The following VWA8 variants were observed in gnomAD, a reference collection of about 807,000 sequenced individuals.
The protein encoded by VWA8 is von Willebrand factor A domain-containing protein 8.
A neutral mutation model predicts 241.5 loss-of-function variants in VWA8; 221 were observed. The observed-to-expected ratio is 0.91, with a 90% CI of 0.82 to 1.02. The LOEUF (loss-of-function observed/expected upper bound fraction) is 1.02. Ranked by LOEUF, VWA8 falls within the 50% of genes least tolerant of loss-of-function variation. VWA8 has a pLI of 0.00. For missense variants in VWA8, 2,322 were observed against 2,328.7 expected (o/e 1.00, Z 0.06); for synonymous variants, 852 against 827.1 (o/e 1.03, Z -0.52).
At chr13:41,819,632 T>C (rs1870862285) in intron 14 of VWA8, among the ~76,000 whole-genome samples, 1 of 152,208 alleles carries the variant, frequency 6.6e-6, no homozygotes, top group Admixed American at 6.5e-5. Context: ...ACTCCAGCCC[T>C]GACACGAACC....
At chr13:41,631,032 T>C (rs1166560325) in intron 37 of VWA8, among the ~76,000 whole-genome samples, 1 of 152,132 alleles carries the variant, frequency 6.6e-6, no homozygotes, top group Non-Finnish European at 1.5e-5. Context: ...TTCTTCTTTA[T>C]TTTTTGAGAC....
chr13:41,706,163 C>T (rs2045281338), intron 26 of VWA8, among the ~76,000 whole-genome samples: 1 of 152,182 alleles, frequency 6.6e-6, no homozygotes, highest in African/African-American at 2.4e-5. Flanking sequence ...CTTTGCTCAA[C>T]TTTCAGATTT....
chr13:41,721,377 T>C lies in VWA8; in HGVS notation c.2957A>G (p.His986Arg), dbSNP rs137987043. Residue 986 changes from histidine to arginine, a missense_variant, in exon 25 of 45, where the codon CAT becomes CGT. His to Arg is a conservative substitution (Grantham distance 29). Coordinates refer to ENST00000379310, the MANE Select transcript of VWA8 (RefSeq NM_015058.2). ...GGTGTGTGCCATACCTACCTGTAAA[T>C]GTTTGACTATGTTGACAACTTCTCT... ...STREVVNIVKHLQKFPTEGLS... is the reference protein window; with the variant it reads ...STREVVNIVKRLQKFPTEGLS... 1.9e-6 allele frequency: 3 copies of C among 1,613,530 alleles called. No individual in the cohort carries two copies. Among genetic ancestry groups the C allele is most frequent in the African/African-American group, 2.7e-5 (2 of 74,834 alleles).
intron 37 of VWA8, among the ~76,000 whole-genome samples, chr13:41,666,337 A>T (rs1296335432): frequency 6.6e-6 from 1 of 152,124 alleles, no homozygotes; most frequent in African/African-American, 2.4e-5. Flanking sequence ...CTAACATGAT[A>T]CTATCTTATC....
Position 41,697,685 on chromosome 13 carries a change from A to G in VWA8, c.3564+1386T>C, listed in dbSNP as rs140048234. 3.3e-4 allele frequency among the ~76,000 whole-genome samples: 51 copies of G among 152,314 alleles called. 1 individual carries two copies. In the East Asian group the frequency reaches 8.9e-3, roughly 26 times the overall value. The stretch of plus-strand genomic sequence containing the variant: ...AATGTAATGCTGTGGCTGATCTGAC[A>G]GGAGGTGGAGCTCAGGCAGCAATGC... On this transcript the variant is annotated intron_variant, in intron 29 of 44. Coordinates refer to ENST00000379310, the MANE Select transcript of VWA8 (RefSeq NM_015058.2).
intron 43 of VWA8, among the ~76,000 whole-genome samples, chr13:41,572,615 C>T (rs1359583916): frequency 6.6e-6 from 1 of 151,748 alleles, no homozygotes; most frequent in African/African-American, 2.4e-5. Flanking sequence ...TAAGAGTCAT[C>T]ACCACTCCCT....
intron 39 of VWA8, among the ~76,000 whole-genome samples, chr13:41,609,922 A>T (rs887101805): frequency 6.6e-6 from 1 of 152,140 alleles, no homozygotes; most frequent in African/African-American, 2.4e-5. Context: ...AAGGGCACAG[A>T]TGCCCCTTAC....
intron 43 of VWA8, among the ~76,000 whole-genome samples, chr13:41,573,480 A>ATATATATATATATATAT (rs1236419922): frequency 1.8e-5 from 2 of 112,468 alleles, no homozygotes; most frequent in Admixed American, 9.2e-5. Flanking sequence ...AGTTTAAAAA[A>ATATATATATATATATAT]AAAAAAATAT....
chr13:41,697,742 G>A (rs923971708), intron 29 of VWA8, among the ~76,000 whole-genome samples: 1 of 152,092 alleles, frequency 6.6e-6, no homozygotes, highest in Admixed American at 6.6e-5. Flanking sequence ...CCTGCCGTGC[G>A]GCCCAGTTCC....
In VWA8 at chr13:41,961,070, C is replaced by T; in HGVS notation, c.-55G>A. On this transcript the variant is annotated 5_prime_UTR_variant, in exon 1 of 45. Coordinates refer to ENST00000379310, the MANE Select transcript of VWA8 (RefSeq NM_015058.2). ...GGGGGCTCGGGGATCGAGCGGCGTC[C>T]CGTGCAGGCACCGTGAGGCAGCGCG... is the stretch of plus-strand genomic sequence containing the variant. 1 of 1,343,574 alleles carries T rather than the reference C, an allele frequency of 7.4e-7. No individual in the cohort carries two copies. The allele number at this position is 1,343,574 out of a possible 1,614,324, so 83.2% of individuals were successfully genotyped here.
Position 41,708,316 on chromosome 13 carries a change from G to A in VWA8, c.3117-4905C>T, listed in dbSNP as rs1038681165. Among the ~76,000 whole-genome samples the A allele has an allele frequency of 1.2e-4, 18 of 151,976 alleles. No individual in the cohort carries two copies. The East Asian group carries it at 2.3e-3, about 20-fold the overall frequency. ...GCAGAGGTTGCAGTGAGCCAAGATC[G>A]CGCCACTGCACTCCAGCCTGGGAAA... On this transcript the variant is annotated intron_variant, in intron 26 of 44. Transcript: ENST00000379310.
intron 31 of VWA8, 91 bp from the exon 32 acceptor site, chr13:41,691,536 C>A: frequency 1.3e-5 from 19 of 1,415,116 alleles, no homozygotes; most frequent in South Asian, 7.6e-5. Flanking sequence ...ATTATGCAAC[C>A]CATAAAAAGA....
At chr13:41,742,648 T>C (rs1312224401) in intron 21 of VWA8, among the ~76,000 whole-genome samples, 2 of 152,204 alleles carry the variant, frequency 1.3e-5, no homozygotes, top group South Asian at 4.1e-4. Context: ...GAAGGATATT[T>C]TGGGAAGAGC....
intron 40 of VWA8, among the ~76,000 whole-genome samples, chr13:41,599,489 C>T (rs536859677): frequency 6.6e-6 from 1 of 152,134 alleles, no homozygotes; most frequent in Non-Finnish European, 1.5e-5. Context: ...CTTGTTATTC[C>T]ACCTCAGTAC....
intron 1 of VWA8, among the ~76,000 whole-genome samples, chr13:41,952,144 T>C (rs1170944021): frequency 6.6e-6 from 1 of 152,194 alleles, no homozygotes; most frequent in Admixed American, 6.5e-5. Context: ...TTGTAAGTCA[T>C]ATAAATCTTC....
chr13:41,627,352 G>A (rs1463635447), intron 37 of VWA8, among the ~76,000 whole-genome samples: 1 of 152,016 alleles, frequency 6.6e-6, no homozygotes, highest in African/African-American at 2.4e-5. Flanking sequence ...TGCTTTGTTT[G>A]TGTGTTTTGT....
chr13:41,774,066 A>C (rs1269052589), intron 20 of VWA8, among the ~76,000 whole-genome samples: 1 of 152,152 alleles, frequency 6.6e-6, no homozygotes, highest in Non-Finnish European at 1.5e-5. Context: ...AAACAATCCA[A>C]CTAAGCCTAA....
chr13:41,871,615 T>G (rs1873622830), intron 9 of VWA8, among the ~76,000 whole-genome samples: 1 of 152,242 alleles, frequency 6.6e-6, no homozygotes, highest in African/African-American at 2.4e-5. Context: ...TTCATCCATG[T>G]CCCTACAAAG....
Position 41,570,518 on chromosome 13 carries a change from T to G in VWA8, c.5559A>C (p.Gln1853His). 1 of 1,614,232 alleles carries G rather than the reference T, an allele frequency of 6.2e-7. No homozygotes were observed. The highest frequency in any genetic ancestry group is 8.5e-7 in the Non-Finnish European group (1 of 1,180,028). The change falls in exon 44 of 45, where the codon CAA (glutamine) becomes CAC (histidine). Residue 1853 changes from glutamine to histidine, a missense_variant. Transcript: ENST00000379310. ...CAATAAAAATGGCAAAAGCATTTAC[T>G]TGAGGGTCTCTTGTGAGGATTTGAG... ...KFAQILTRDP[Q>H]VNAFAIFIGS... is the part of the protein sequence containing the mutation.
Sources: allele counts gnomAD v4.1 joint callset (sites outside exome capture counted in the v4.1 genomes callset), GRCh38; gene constraint gnomAD v4.1.1; transcripts MANE v1.5; gene names NCBI Gene and HGNC (gene_info 2026-07-23, HGNC 2026-07-21).